The following F2RL1 variants were observed in gnomAD, a reference collection of about 807,000 sequenced individuals.
The protein encoded by F2RL1 is F2R like trypsin receptor 1, also known as proteinase-activated receptor 2.
Under a neutral mutation model 21.7 loss-of-function variants are expected in F2RL1, and 16 were observed. The observed-to-expected ratio is 0.74, with a 90% CI of 0.50 to 1.12. The LOEUF (loss-of-function observed/expected upper bound fraction) is 1.12. Among genes scored for constraint, F2RL1 ranks in the 50% most tolerant of loss-of-function variants. The pLI is 0.00. For missense variants in F2RL1, 432 were observed against 477.8 expected (o/e 0.90, Z 0.89); for synonymous variants, 181 against 186.7 (o/e 0.97, Z 0.25).
chr5:76,826,925 G>A (rs1269890069), intron 1 of F2RL1, among the ~76,000 whole-genome samples: 2 of 151,272 alleles, frequency 1.3e-5, no homozygotes, highest in African/African-American at 4.9e-5. Context: ...GAGTGCAGTG[G>A]TGTAATCTCT....
At chr5:76,828,836 C>A (rs555025077) in intron 1 of F2RL1, among the ~76,000 whole-genome samples, 1 of 152,102 alleles carries the variant, frequency 6.6e-6, no homozygotes, top group African/African-American at 2.4e-5. Flanking sequence ...TTATTTTAGG[C>A]CGGGTGCAGT....
At chr5:76,832,002 C>T (rs1487369562) in intron 1 of F2RL1, among the ~76,000 whole-genome samples, 6 of 149,266 alleles carry the variant, frequency 4.0e-5, no homozygotes, top group Non-Finnish European at 7.4e-5. Context: ...AGCAAGACCC[C>T]ATCTCTAAAA....
At position 76,835,300 on chromosome 5, in the gene F2RL1, T is replaced by A. The variant is rs1750435120; in HGVS notation, c.*1499T>A. 1.3e-5 allele frequency: 2 copies of A among 152,284 alleles called. No homozygotes were observed. The highest frequency in any genetic ancestry group is 4.1e-4 in the South Asian group (2 of 4,832). The allele number at this position is 152,284 out of a possible 1,614,324, so 9.4% of individuals were successfully genotyped here. A position where few individuals can be genotyped will look rare whatever the true frequency, so the allele number is the denominator to read the frequency against. ...TGTAATTGATTTATAAATAACAAAA[T>A]TTTTTTTACAACTTATTTCTGAGTT... On this transcript the variant is annotated 3_prime_UTR_variant, in exon 2 of 2. Transcript: ENST00000296677.
At chr5:76,827,308 C>G (rs2243077) in intron 1 of F2RL1, among the ~76,000 whole-genome samples, 137 of 139,584 alleles carry the variant, frequency 9.8e-4, no homozygotes, top group Non-Finnish European at 1.7e-3. Flanking sequence ...TGTGAAACCC[C>G]ATCTCTACTA....
intron 1 of F2RL1, among the ~76,000 whole-genome samples, chr5:76,821,263 T>A (rs1039513079): frequency 2.0e-5 from 3 of 152,214 alleles, no homozygotes; most frequent in African/African-American, 4.8e-5. Context: ...GATAATTATT[T>A]GGGTAAACAT....
intron 1 of F2RL1, among the ~76,000 whole-genome samples, 168 bp downstream of exon 1, chr5:76,819,432 G>A (rs948870286): frequency 5.9e-5 from 9 of 152,134 alleles, no homozygotes; most frequent in Non-Finnish European, 8.8e-5. Flanking sequence ...AGGTCTCTGC[G>A]CCAAGGAGGC....
intron 1 of F2RL1, among the ~76,000 whole-genome samples, chr5:76,820,542 C>A (rs1750115220): frequency 6.6e-6 from 1 of 151,838 alleles, no homozygotes; most frequent in Non-Finnish European, 1.5e-5. Context: ...GCATTTAGTT[C>A]CAGGAAGTAT....
At chr5:76,829,233 CT>C (rs747565946) in intron 1 of F2RL1, among the ~76,000 whole-genome samples, 214 of 149,848 alleles carry the variant, frequency 1.4e-3, no homozygotes, top group Middle Eastern at 6.9e-3. Flanking sequence ...ACCTCCACAC[CT>C]TTTTTTTACC....
chr5:76,821,242 C>T (rs1445488439), intron 1 of F2RL1, among the ~76,000 whole-genome samples: 1 of 152,170 alleles, frequency 6.6e-6, no homozygotes, highest in East Asian at 1.9e-4. Context: ...TTTCCCTTTA[C>T]AATAGTAATT....
chr5:76,832,553 C>T lies in F2RL1; in HGVS notation c.83-137C>T, dbSNP rs1750367519. ...GGTGCATTATGATCGCTCCACTACG[C>T]TCCAGCCTGGGTGACAGCGAGACCC... On this transcript the variant is annotated intron_variant, in intron 1 of 1. Transcript: ENST00000296677. 12 of 896,754 alleles carry T rather than the reference C, an allele frequency of 1.3e-5. No individual in the cohort carries two copies. In the South Asian group the frequency reaches 2.0e-4, roughly 15 times the overall value. 55.5% of individuals were successfully genotyped at this position (896,754 alleles called of 1,614,324 possible).
At chr5:76,831,535 ATTTTT>A (rs3053251) in intron 1 of F2RL1, among the ~76,000 whole-genome samples, 2 of 134,168 alleles carry the variant, frequency 1.5e-5, no homozygotes, top group South Asian at 2.4e-4. Context: ...TCCTAAACTG[ATTTTT>A]TTTTTTTTTT....
chr5:76,826,355 C>T (rs1750238568), intron 1 of F2RL1, among the ~76,000 whole-genome samples: 1 of 152,200 alleles, frequency 6.6e-6, no homozygotes, highest in South Asian at 2.1e-4. Context: ...ATTCACCAAT[C>T]TTCTGGTCTT....
Position 76,833,402 on chromosome 5 carries a change from G to A in F2RL1, c.795G>A (p.Met265Ile). 3 of 1,613,944 alleles carry A rather than the reference G, an allele frequency of 1.9e-6. No homozygotes were observed. The highest frequency in any genetic ancestry group is 2.5e-6 in the Non-Finnish European group (3 of 1,180,012). The change falls in exon 2 of 2, where the codon ATG becomes ATA. Residue 265 changes from methionine (M) to isoleucine (I), a missense_variant. Physicochemically the swap from Met to Ile is conservative, Grantham distance 10. Transcript: ENST00000296677. Reference protein sequence around the residue: ...AFLTASAYVLMIRMLRSSAMD... With the variant: ...AFLTASAYVLIIRMLRSSAMD... ...TCACAGCCTCTGCCTATGTGCTGAT[G>A]ATCAGAATGCTGCGATCTTCTGCCA... is the stretch of plus-strand genomic sequence containing the variant.
chr5:76,819,992 T>C (rs1245905662), intron 1 of F2RL1, among the ~76,000 whole-genome samples: 1 of 152,040 alleles, frequency 6.6e-6, no homozygotes, highest in Non-Finnish European at 1.5e-5. Flanking sequence ...GAGCGGAACT[T>C]TTTGGACCCT....
chr5:76,823,465 GCTTT>G (rs1750181057), intron 1 of F2RL1, among the ~76,000 whole-genome samples: 2 of 149,918 alleles, frequency 1.3e-5, no homozygotes, highest in African/African-American at 2.5e-5. Flanking sequence ...TGCAACCTGC[GCTTT>G]CCAGGTTGAA....
In F2RL1 at chr5:76,833,867, G is replaced by A. The variant is rs146054906; in HGVS notation, c.*66G>A. ...GGAACCTGTTTAATGTTATGAGGAC[G>A]TGTCTGTTATTTCCTAATCAAAAAG... On this transcript the variant is annotated 3_prime_UTR_variant, in exon 2 of 2. Coordinates refer to ENST00000296677, the MANE Select transcript of F2RL1 (RefSeq NM_005242.6). 624 of 1,512,996 alleles carry A rather than the reference G, an allele frequency of 4.1e-4. 4 individuals are homozygous for A. The African/African-American group carries it at 7.7e-3, about 19-fold the overall frequency. The allele number at this position is 1,512,996 out of a possible 1,614,324, so 93.7% of individuals were successfully genotyped here.
intron 1 of F2RL1, among the ~76,000 whole-genome samples, chr5:76,822,207 T>A (rs1295473575): frequency 6.6e-6 from 1 of 152,128 alleles, no homozygotes; most frequent in South Asian, 2.1e-4. Context: ...TTGATAGACA[T>A]GTGGTATTTC....
At chr5:76,828,023 G>A (rs1157508846) in intron 1 of F2RL1, among the ~76,000 whole-genome samples, 1 of 152,018 alleles carries the variant, frequency 6.6e-6, no homozygotes, top group African/African-American at 2.4e-5. Context: ...AGGCTGGAGT[G>A]CAATGGCGTG....
In F2RL1 at chr5:76,834,134, TA is replaced by T. The variant is rs1750413966; in HGVS notation, c.*334del. 1 of 150,318 alleles carries T rather than the reference TA, an allele frequency of 6.7e-6. No individual in the cohort carries two copies. Among genetic ancestry groups the T allele is most frequent in the South Asian group, 1.7e-4 (1 of 5,934 alleles). The allele number at this position is 150,318 out of a possible 1,614,324, so 9.3% of individuals were successfully genotyped here. Reference sequence around the variant, plus strand: ...CTCACTTCTCAGCTGAAATTATATATATACACATATATATATTTTACATCTG... The same window carrying T: ...CTCACTTCTCAGCTGAAATTATATATTACACATATATATATTTTACATCTG... On this transcript the variant is annotated 3_prime_UTR_variant, in exon 2 of 2. Transcript: ENST00000296677.
Sources: allele counts gnomAD v4.1 joint callset (sites outside exome capture counted in the v4.1 genomes callset), GRCh38; gene constraint gnomAD v4.1.1; transcripts MANE v1.5; gene names NCBI Gene and HGNC (gene_info 2026-07-23, HGNC 2026-07-21).